Variants in MASP1 observed in about 807,000 individuals in gnomAD.
MASP1 encodes the protein MBL associated serine protease 1.
MASP1 carries 59 observed loss-of-function variants against 77.1 expected under a neutral mutation model. The observed-to-expected ratio is 0.77, with a 90% CI of 0.62 to 0.95. The LOEUF (loss-of-function observed/expected upper bound fraction) is 0.95. Among genes scored for constraint, MASP1 ranks in the 40% least tolerant of loss-of-function variants. The pLI, the probability that MASP1 is intolerant of heterozygous loss-of-function variation, is 0.00. For missense variants in MASP1, 885 were observed against 912.9 expected (o/e 0.97, Z 0.39); for synonymous variants, 362 against 354.5 (o/e 1.02, Z -0.24).
In MASP1 at chr3:187,240,978, C is replaced by A. The variant is rs533028191; in HGVS notation, c.1303+503G>T. On this transcript the variant is annotated intron_variant, in intron 10 of 10. Transcript: ENST00000296280. ...AGCAAATATCCTCAAAATCTGTATG[C>A]ACAGTAACACTTCCTGTTACCACAA... 2.0e-5 allele frequency among the ~76,000 whole-genome samples: 3 copies of A among 152,264 alleles called. No individual in the cohort carries two copies. The South Asian group carries it at 6.2e-4, about 32-fold the overall frequency.
intron 5 of MASP1, among the ~76,000 whole-genome samples, chr3:187,254,089 G>T (rs1227339029): frequency 6.6e-6 from 1 of 152,186 alleles, no homozygotes; most frequent in Non-Finnish European, 1.5e-5. Context: ...AAGCAGAGAT[G>T]ATCTCTGCTG....
chr3:187,278,713 C>A (rs1717165860), intron 2 of MASP1, among the ~76,000 whole-genome samples: 1 of 152,170 alleles, frequency 6.6e-6, no homozygotes, highest in South Asian at 2.1e-4. Context: ...TTTTTCCTCT[C>A]CCATACGCAG....
intron 10 of MASP1, among the ~76,000 whole-genome samples, chr3:187,241,081 A>G (rs148405409): frequency 6.6e-6 from 1 of 152,316 alleles, no homozygotes; most frequent in East Asian, 1.9e-4. Context: ...TGCTGTTTGG[A>G]AGAAAGAATT....
At chr3:187,291,136 T>A in intron 1 of MASP1, 1 of 181,004 alleles carries the variant, frequency 5.5e-6, no homozygotes, top group Non-Finnish European at 1.2e-5. Flanking sequence ...TAAATTGAGG[T>A]TTAACTGGCA....
chr3:187,228,074 G>A (rs975191239), intron 11 of MASP1, among the ~76,000 whole-genome samples: 3 of 152,214 alleles, frequency 2.0e-5, no homozygotes, highest in African/African-American at 4.8e-5. Flanking sequence ...AGAAGTGAAC[G>A]TCAAACATTT....
chr3:187,246,566 C>T (rs532871559), intron 8 of MASP1: 122 of 985,506 alleles, frequency 1.2e-4, no homozygotes, highest in South Asian at 1.9e-4. Flanking sequence ...GATGTTCAGA[C>T]GGAAGCAGAG....
rs752131940 is a variant in MASP1, at chr3:187,234,508, G to C, written c.*1176C>G. ...TTTTTCAAAGGTTATACAGCCAGTT[G>C]GGGGCAGAGCAGGGACTAGAACCCA... On this transcript the variant is annotated 3_prime_UTR_variant, in exon 11 of 11. Coordinates refer to ENST00000296280, the MANE Select transcript of MASP1 (RefSeq NM_139125.4). The C allele has an allele frequency of 6.3e-5, 81 of 1,285,822 alleles. No individual in the cohort carries two copies. The highest frequency in any genetic ancestry group is 3.0e-4 in the South Asian group (24 of 80,906). 79.7% of individuals were successfully genotyped at this position (1,285,822 alleles called of 1,614,324 possible).
At chr3:187,252,363 C>T (rs698093) in intron 6 of MASP1, among the ~76,000 whole-genome samples, 1 of 152,012 alleles carries the variant, frequency 6.6e-6, no homozygotes, top group African/African-American at 2.4e-5. Context: ...TCTTTCTTCC[C>T]GAGGCCCTTC....
downstream of MASP1, among the ~76,000 whole-genome samples, chr3:187,232,286 T>C (rs73068946): frequency 0.024 from 3,650 of 149,594 alleles, 152 homozygotes; most frequent in African/African-American, 0.085. Context: ...TCCATGATGC[T>C]GGTGTTTCAG....
At chr3:187,284,434 T>C (rs1174230735) in intron 2 of MASP1, among the ~76,000 whole-genome samples, 1 of 152,190 alleles carries the variant, frequency 6.6e-6, no homozygotes, top group East Asian at 1.9e-4. Context: ...AAGACAGCTT[T>C]TCTCAGCAAA....
intron 13 of MASP1, chr3:187,225,221 C>T (rs1483455963): frequency 3.0e-6 from 4 of 1,329,950 alleles, no homozygotes; most frequent in Non-Finnish European, 4.3e-6. Context: ...GTCAAGCAGA[C>T]ACTGTCAGCT....
chr3:187,244,024 C>G, intron 8 of MASP1: 1 of 254,940 alleles, frequency 3.9e-6, no homozygotes, highest in South Asian at 5.8e-5. Flanking sequence ...AAAACTCTAG[C>G]TGACATAAAC....
chr3:187,283,336 A>C (rs1464680224), intron 2 of MASP1, among the ~76,000 whole-genome samples: 1 of 152,204 alleles, frequency 6.6e-6, no homozygotes, highest in Non-Finnish European at 1.5e-5. Context: ...ATTTTTTCCC[A>C]TTAACAAAAT....
At chr3:187,231,833 C>A (rs1579471137), downstream of MASP1, among the ~76,000 whole-genome samples, 2 of 152,270 alleles carry the variant, frequency 1.3e-5, no homozygotes, top group East Asian at 3.9e-4. Flanking sequence ...TTCAAGGAAC[C>A]AAAACATGGA....
At chr3:187,221,001 A>G in intron 15 of MASP1, 1 of 1,556,454 alleles carries the variant, frequency 6.4e-7, no homozygotes, top group Non-Finnish European at 8.9e-7. Flanking sequence ...CCTGGCTGGC[A>G]GCGCCCCTGT....
At chr3:187,238,381 T>C (rs973285669) in intron 10 of MASP1, among the ~76,000 whole-genome samples, 1 of 152,232 alleles carries the variant, frequency 6.6e-6, no homozygotes, top group East Asian at 1.9e-4. Flanking sequence ...ATATCTCCAC[T>C]GAAATCTGTT....
At chr3:187,226,539 G>T in intron 11 of MASP1, 1 of 1,549,972 alleles carries the variant, frequency 6.5e-7, no homozygotes. Context: ...CAGAACACAC[G>T]TCTCATCGTC....
intron 4 of MASP1, among the ~76,000 whole-genome samples, chr3:187,257,165 G>A (rs1192874375): frequency 1.3e-5 from 2 of 152,054 alleles, no homozygotes; most frequent in Admixed American, 1.3e-4. Context: ...AGGGTTTTGA[G>A]ATGGAGTGGT....
chr3:187,256,013 C>T (rs548065639), intron 5 of MASP1, among the ~76,000 whole-genome samples: 13 of 152,278 alleles, frequency 8.5e-5, no homozygotes, highest in African/African-American at 2.6e-4. Context: ...TTACTTTCCA[C>T]ATATCTCGAA....
Sources: gnomAD v4.1 joint callset for allele counts (sites outside exome capture counted in the v4.1 genomes callset) on GRCh38, gnomAD v4.1.1 for gene constraint, MANE v1.5 for transcripts, NCBI Gene and HGNC (gene_info 2026-07-23, HGNC 2026-07-21) for gene names.